The following KCMF1 variants were observed in gnomAD, a reference collection of about 807,000 sequenced individuals.
The protein encoded by KCMF1 is potassium channel modulatory factor 1.
KCMF1 carries 3 observed loss-of-function variants against 41.1 expected under a neutral mutation model. The observed-to-expected ratio is 0.07, with a 90% CI of 0.03 to 0.19. KCMF1 has a LOEUF of 0.19. KCMF1 is among the 10% of genes least tolerant of loss of function. KCMF1 has a pLI of 1.00. For synonymous variants in KCMF1, 142 were observed against 164.5 expected (o/e 0.86, Z 1.04); for missense variants, 286 against 488.9 (o/e 0.58, Z 3.91).
Position 85,017,984 on chromosome 2 carries a change from T to C in KCMF1, c.17-9905T>C, listed in dbSNP as rs560379441. Among the ~76,000 whole-genome samples, 3 of 152,334 alleles carry C rather than the reference T, an allele frequency of 2.0e-5. No individual in the cohort carries two copies. In the East Asian group the frequency reaches 5.8e-4, roughly 29 times the overall value. ...TCATTTGTTTTACAGAACTGCTAAATACAAGATATATGCTGATAATATGAA... is the reference window on the plus strand; with the variant it reads ...TCATTTGTTTTACAGAACTGCTAAACACAAGATATATGCTGATAATATGAA... On this transcript the variant is annotated intron_variant, in intron 1 of 6. Coordinates refer to ENST00000409785, the MANE Select transcript of KCMF1 (RefSeq NM_020122.5).
At position 84,971,355 on chromosome 2, in the gene KCMF1, TG is replaced by T; in HGVS notation, c.-94del. 1 of 686,106 alleles carries T rather than the reference TG, an allele frequency of 1.5e-6. No individual in the cohort carries two copies. Among genetic ancestry groups the T allele is most frequent in the African/African-American group, 2.0e-5 (1 of 49,084 alleles). 42.5% of individuals were successfully genotyped at this position (686,106 alleles called of 1,614,324 possible). ...CCCGCGGCCGAGCCCGGGAGTCGAG[TG>T]GGAGTCGGCCGGCCGGCGCGGGCAG... On this transcript the variant is annotated 5_prime_UTR_variant, in exon 1 of 7. Coordinates refer to ENST00000409785, the MANE Select transcript of KCMF1 (RefSeq NM_020122.5).
chr2:84,985,047 G>A (rs1209635451), intron 1 of KCMF1, among the ~76,000 whole-genome samples: 1 of 151,744 alleles, frequency 6.6e-6, no homozygotes, highest in Non-Finnish European at 1.5e-5. Context: ...GACATTTAAG[G>A]AAAAGCCATA....
chr2:85,034,008 C>G (rs1270416690), intron 2 of KCMF1, among the ~76,000 whole-genome samples: 1 of 150,150 alleles, frequency 6.7e-6, no homozygotes, highest in East Asian at 2.0e-4. Context: ...CATGGTGGGA[C>G]CCCATCTTTC....
chr2:84,996,539 G>A (rs955314975), intron 1 of KCMF1, among the ~76,000 whole-genome samples: 7 of 149,900 alleles, frequency 4.7e-5, no homozygotes, highest in Non-Finnish European at 1.0e-4. Context: ...GGGTTCAAGC[G>A]ATTCTCCTGC....
intron 1 of KCMF1, among the ~76,000 whole-genome samples, chr2:85,008,180 T>C (rs1231637981): frequency 1.4e-5 from 2 of 141,038 alleles, no homozygotes; most frequent in Non-Finnish European, 3.1e-5. Context: ...ATTTTTTCGA[T>C]GGATCAATAC....
intron 1 of KCMF1, among the ~76,000 whole-genome samples, chr2:84,989,158 G>A (rs1673976185): frequency 6.6e-6 from 1 of 152,160 alleles, no homozygotes; most frequent in South Asian, 2.1e-4. Context: ...ACTCTGTGGA[G>A]ATGTGCTGGG....
At chr2:85,013,435 C>A (rs1395559495) in intron 1 of KCMF1, among the ~76,000 whole-genome samples, 1 of 152,140 alleles carries the variant, frequency 6.6e-6, no homozygotes. Flanking sequence ...TCTGCTCCCT[C>A]CTTATACATC....
intron 6 of KCMF1, among the ~76,000 whole-genome samples, chr2:85,052,631 A>G (rs1016929274): frequency 3.3e-5 from 5 of 152,166 alleles, no homozygotes; most frequent in African/African-American, 9.7e-5. Context: ...AGGAGTTTGT[A>G]TGTATGTGTT....
intron 1 of KCMF1, among the ~76,000 whole-genome samples, chr2:84,983,492 AACTT>A (rs1189260091): frequency 6.6e-6 from 1 of 151,776 alleles, no homozygotes; most frequent in Non-Finnish European, 1.5e-5. Flanking sequence ...ATACCTGGCT[AACTT>A]TTGTTTTGTT....
chr2:85,005,314 A>G (rs1674441243), intron 1 of KCMF1, among the ~76,000 whole-genome samples: 1 of 148,720 alleles, frequency 6.7e-6, no homozygotes. Context: ...TTTGAGACAG[A>G]GTCTCACACT....
chr2:85,013,557 T>C (rs1674697039), intron 1 of KCMF1, among the ~76,000 whole-genome samples: 1 of 152,060 alleles, frequency 6.6e-6, no homozygotes, highest in South Asian at 2.1e-4. Context: ...CCCAGCACTT[T>C]GGGAGGCCGA....
chr2:85,008,262 T>A (rs1313458985), intron 1 of KCMF1, among the ~76,000 whole-genome samples: 37 of 110,536 alleles, frequency 3.3e-4, no homozygotes, highest in Non-Finnish European at 6.1e-4. Flanking sequence ...ATATTATATA[T>A]CATATATAAT....
intron 1 of KCMF1, among the ~76,000 whole-genome samples, chr2:84,985,909 C>G (rs1376799965): frequency 2.0e-5 from 3 of 151,802 alleles, no homozygotes; most frequent in Non-Finnish European, 2.9e-5. Flanking sequence ...AAATATAACA[C>G]AGAAATATAT....
At chr2:85,008,372 T>TATATATTATATATC (rs1558573622) in intron 1 of KCMF1, among the ~76,000 whole-genome samples, 7 of 91,576 alleles carry the variant, frequency 7.6e-5, no homozygotes, top group African/African-American at 2.9e-4. Flanking sequence ...TTATATATCA[T>TATATATTATATATC]ATGATATATT....
intron 1 of KCMF1, among the ~76,000 whole-genome samples, chr2:84,973,786 T>TCAG (rs1017421004): frequency 8.6e-5 from 13 of 151,980 alleles, no homozygotes; most frequent in Non-Finnish European, 1.9e-4. Flanking sequence ...CCCATTTCTT[T>TCAG]CAGCATTTCT....
chr2:85,018,275 T>TC (rs1674835152), intron 1 of KCMF1, among the ~76,000 whole-genome samples: 1 of 149,710 alleles, frequency 6.7e-6, no homozygotes, highest in East Asian at 1.9e-4. Context: ...AGATTTTTTT[T>TC]TTTTTTTTTT....
chr2:85,023,799 G>A (rs1171679764), intron 1 of KCMF1, among the ~76,000 whole-genome samples: 1 of 152,118 alleles, frequency 6.6e-6, no homozygotes, highest in Non-Finnish European at 1.5e-5. Context: ...TTTTCAAAGT[G>A]GTTGTGCTGA....
chr2:85,014,634 C>T (rs1184802801), intron 1 of KCMF1, among the ~76,000 whole-genome samples: 2 of 150,698 alleles, frequency 1.3e-5, no homozygotes, highest in African/African-American at 4.9e-5. Flanking sequence ...CAAAACAGAG[C>T]AGTTTCTATC....
At chr2:84,997,935 A>G (rs1574014196) in intron 1 of KCMF1, among the ~76,000 whole-genome samples, 1 of 140,540 alleles carries the variant, frequency 7.1e-6, no homozygotes. Context: ...ACACCCAGCT[A>G]TTGTTTTTTG....
Sources: allele counts gnomAD v4.1 joint callset (sites outside exome capture counted in the v4.1 genomes callset), GRCh38; gene constraint gnomAD v4.1.1; transcripts MANE v1.5; gene names NCBI Gene and HGNC (gene_info 2026-07-23, HGNC 2026-07-21).